ATP6V1A: variants seen among roughly 807,000 people sequenced by gnomAD.
ATP6V1A encodes the protein ATPase H+ transporting V1 subunit A, also known as V-type proton ATPase catalytic subunit A.
In ATP6V1A, 18 loss-of-function variants were observed where a neutral mutation model predicts 70.1. The ratio of observed to expected loss-of-function variants is 0.26; its 90% confidence interval spans 0.18 to 0.38. ATP6V1A has a LOEUF of 0.38. Among genes scored for constraint, ATP6V1A ranks in the 10% least tolerant of loss-of-function variants. The pLI is 1.00. For missense variants in ATP6V1A, 424 were observed against 772.4 expected (o/e 0.55, Z 5.35); for synonymous variants, 232 against 253.8 (o/e 0.91, Z 0.82).
chr3:113,773,587 A>G (rs979368240), intron 1 of ATP6V1A, among the ~76,000 whole-genome samples: 9 of 152,172 alleles, frequency 5.9e-5, no homozygotes, highest in Non-Finnish European at 1.2e-4. Flanking sequence ...GGAGGCATGC[A>G]CTGTTTAAGT....
chr3:113,764,011 G>T (rs760699802), intron 1 of ATP6V1A, among the ~76,000 whole-genome samples: 1 of 152,056 alleles, frequency 6.6e-6, no homozygotes, highest in African/African-American at 2.4e-5. Context: ...AGGCCGAAGC[G>T]GGAGGATCAC....
At chr3:113,790,114 A>C (rs575285012) in intron 8 of ATP6V1A, among the ~76,000 whole-genome samples, 2 of 152,064 alleles carry the variant, frequency 1.3e-5, no homozygotes, top group East Asian at 3.9e-4. Flanking sequence ...TACTAAAAAT[A>C]CAAAAAATTG....
intron 10 of ATP6V1A, 85 bp from the exon 11 acceptor site, chr3:113,795,791 A>G: frequency 9.5e-7 from 1 of 1,055,208 alleles, no homozygotes; most frequent in South Asian, 1.5e-5. Context: ...CTTTAAAAAA[A>G]GTTAACATTT....
chr3:113,760,215 T>A (rs2108011511), intron 1 of ATP6V1A, among the ~76,000 whole-genome samples: 1 of 152,356 alleles, frequency 6.6e-6, no homozygotes, highest in African/African-American at 2.4e-5. Context: ...CTATAGTCAT[T>A]ATTTAAATCC....
chr3:113,775,813 T>C (rs1339894489), intron 1 of ATP6V1A, among the ~76,000 whole-genome samples: 1 of 152,230 alleles, frequency 6.6e-6, no homozygotes, highest in Non-Finnish European at 1.5e-5. Context: ...GTTTCTTCTC[T>C]GATTTTGAAA....
At chr3:113,797,127 A>G (rs892397470) in intron 11 of ATP6V1A, among the ~76,000 whole-genome samples, 3 of 151,934 alleles carry the variant, frequency 2.0e-5, no homozygotes, top group African/African-American at 2.4e-5. Context: ...AATAGAGACA[A>G]TATTTCACTA....
chr3:113,789,748 A>G lies in ATP6V1A; in HGVS notation c.896A>G (p.Asp299Gly), dbSNP rs750916163. ...RDFPELTMEV[D>G]GKVESIMKRT... ...TACCTCTAGCTCACAATGGAGGTTG[A>G]TGGTAAGGTAGAGTCAATTATGAAG... Residue 299 changes from aspartate to glycine, a missense_variant, in exon 8 of 15, where the codon GAT becomes GGT. Transcript: ENST00000273398. 6.2e-7 allele frequency: 1 copy of G among 1,609,858 alleles called. No individual in the cohort carries two copies. The highest frequency in any genetic ancestry group is 8.5e-7 in the Non-Finnish European group (1 of 1,176,314).
At chr3:113,793,217 C>A (rs1374718893) in intron 8 of ATP6V1A, among the ~76,000 whole-genome samples, 1 of 151,922 alleles carries the variant, frequency 6.6e-6, no homozygotes, top group African/African-American at 2.4e-5. Context: ...GCACCACCAC[C>A]ACACCTGGCT....
At chr3:113,776,542 A>G (rs896864184) in intron 1 of ATP6V1A, among the ~76,000 whole-genome samples, 3 of 152,206 alleles carry the variant, frequency 2.0e-5, no homozygotes, top group African/African-American at 4.8e-5. Flanking sequence ...TAAAGCTTCA[A>G]AAGCTCTGTA....
chr3:113,785,516 T>A (rs1709029128), intron 5 of ATP6V1A, among the ~76,000 whole-genome samples: 1 of 145,876 alleles, frequency 6.9e-6, no homozygotes, highest in African/African-American at 2.5e-5. Flanking sequence ...CTTTTTTTTT[T>A]TTTTTTTTTT....
At chr3:113,761,495 G>A (rs1258865949) in intron 1 of ATP6V1A, among the ~76,000 whole-genome samples, 1 of 151,932 alleles carries the variant, frequency 6.6e-6, no homozygotes, top group Non-Finnish European at 1.5e-5. Context: ...CCAGCGCTTT[G>A]GGAGGCCGAG....
chr3:113,771,120 A>G (rs1221099489), intron 1 of ATP6V1A, among the ~76,000 whole-genome samples: 1 of 151,942 alleles, frequency 6.6e-6, no homozygotes, highest in African/African-American at 2.4e-5. Context: ...AACTTTGAAT[A>G]TAATCTAACT....
At chr3:113,785,532 A>G (rs1391256168) in intron 5 of ATP6V1A, among the ~76,000 whole-genome samples, 1 of 120,960 alleles carries the variant, frequency 8.3e-6, no homozygotes, top group East Asian at 2.4e-4. Flanking sequence ...TTTTTGAGAC[A>G]GGGTCTTGCT....
intron 1 of ATP6V1A, among the ~76,000 whole-genome samples, chr3:113,755,307 G>A (rs2566968): frequency 0.38 from 57,119 of 151,442 alleles, 10,891 homozygotes; most frequent in African/African-American, 0.44. Context: ...CATAAGGACC[G>A]TATATATATT....
chr3:113,801,760 T>A (rs1351416984), intron 12 of ATP6V1A, among the ~76,000 whole-genome samples: 1 of 152,032 alleles, frequency 6.6e-6, no homozygotes, highest in East Asian at 1.9e-4. Context: ...CAAAACAAAG[T>A]ACCAAACCAA....
At chr3:113,777,740 C>G (rs981776461) in intron 1 of ATP6V1A, among the ~76,000 whole-genome samples, 1 of 152,096 alleles carries the variant, frequency 6.6e-6, no homozygotes, top group African/African-American at 2.4e-5. Flanking sequence ...TCGACGGAGA[C>G]AGACTGTGTT....
At chr3:113,771,516 C>G (rs1708840853) in intron 1 of ATP6V1A, among the ~76,000 whole-genome samples, 1 of 149,482 alleles carries the variant, frequency 6.7e-6, no homozygotes, top group Non-Finnish European at 1.5e-5. Context: ...CCGCTTGCTG[C>G]AAGCTCCGCC....
In ATP6V1A at chr3:113,811,330, T is replaced by C. The variant is rs1461814546; in HGVS notation, c.*1903T>C. On this transcript the variant is annotated 3_prime_UTR_variant, in exon 15 of 15. Transcript: ENST00000273398. ...TAAATTCTTGCAGATTACATGTTTT[T>C]ACAGTGGCCTGCTATTGAGGAAAGG... 6.6e-6 allele frequency: 1 copy of C among 152,664 alleles called. No individual in the cohort carries two copies. Among genetic ancestry groups the C allele is most frequent in the Non-Finnish European group, 1.5e-5 (1 of 68,030 alleles). 9.5% of individuals were successfully genotyped at this position (152,664 alleles called of 1,614,324 possible).
chr3:113,759,921 T>C (rs1708683583), intron 1 of ATP6V1A, among the ~76,000 whole-genome samples: 1 of 152,258 alleles, frequency 6.6e-6, no homozygotes, highest in Admixed American at 6.5e-5. Context: ...TCCCTGTTTT[T>C]CTAGCATTTA....
Sources: gnomAD v4.1 joint callset for allele counts (sites outside exome capture counted in the v4.1 genomes callset) on GRCh38, gnomAD v4.1.1 for gene constraint, MANE v1.5 for transcripts, NCBI Gene and HGNC (gene_info 2026-07-23, HGNC 2026-07-21) for gene names.